Variants in DNAH12 observed in about 807,000 individuals in gnomAD.
The protein encoded by DNAH12 is dynein axonemal heavy chain 12, also known as axonemal beta dynein heavy chain 12.
DNAH12 carries 285 observed loss-of-function variants against 371.5 expected under a neutral mutation model. The observed-to-expected ratio is 0.77, with a 90% CI of 0.70 to 0.85. The LOEUF (loss-of-function observed/expected upper bound fraction) is 0.85. DNAH12 is among the 40% of genes least tolerant of loss of function. DNAH12 has a pLI of 0.00. For missense variants in DNAH12, 3,611 were observed against 3,689.4 expected, an observed-to-expected ratio of 0.98 and a Z score of 0.55; for synonymous variants, 1,200 against 1,213.0, an observed-to-expected ratio of 0.99 and a Z score of 0.22.
chr3:57,488,274 C>A (rs937835775), intron 12 of DNAH12, among the ~76,000 whole-genome samples: 1 of 152,086 alleles, frequency 6.6e-6, no homozygotes, highest in African/African-American at 2.4e-5. Flanking sequence ...CTCACTGCAA[C>A]CTCCACTTCC....
chr3:57,482,525 G>T (rs1323728713), intron 13 of DNAH12, among the ~76,000 whole-genome samples: 1 of 151,996 alleles, frequency 6.6e-6, no homozygotes, highest in Non-Finnish European at 1.5e-5. Flanking sequence ...GATTCCTCAG[G>T]GATCTAGAAC....
At chr3:57,325,817 T>G (rs1159286018) in intron 62 of DNAH12, among the ~76,000 whole-genome samples, 1 of 152,068 alleles carries the variant, frequency 6.6e-6, no homozygotes, top group Non-Finnish European at 1.5e-5. Context: ...TTAAAAACTT[T>G]GAAAAAAATT....
intron 8 of DNAH12, 151 bp from the exon 9 acceptor site, chr3:57,504,355 A>C (rs555018511): frequency 1.5e-6 from 1 of 647,682 alleles, no homozygotes; most frequent in South Asian, 2.2e-5. Flanking sequence ...ATCTTCATTC[A>C]GCATACTATA....
chr3:57,504,855 C>A (rs1353334538), intron 8 of DNAH12, among the ~76,000 whole-genome samples: 4 of 151,772 alleles, frequency 2.6e-5, no homozygotes, highest in Non-Finnish European at 5.9e-5. Flanking sequence ...TTTTTCTTTT[C>A]TTTTTTTCTC....
intron 30 of DNAH12, among the ~76,000 whole-genome samples, chr3:57,436,297 T>C (rs1257813504): frequency 2.6e-5 from 4 of 152,248 alleles, no homozygotes; most frequent in South Asian, 2.1e-4. Flanking sequence ...ATAAATCACA[T>C]ATACAAAATG....
At chr3:57,518,320 T>G (rs1027799544) in intron 4 of DNAH12, among the ~76,000 whole-genome samples, 1 of 151,734 alleles carries the variant, frequency 6.6e-6, no homozygotes. Context: ...AGGTCAGGAG[T>G]TTGAGACCAG....
intron 22 of DNAH12, among the ~76,000 whole-genome samples, chr3:57,457,249 C>A (rs1025390825): frequency 6.6e-6 from 1 of 152,120 alleles, no homozygotes; most frequent in Non-Finnish European, 1.5e-5. Context: ...TCCTAACTGC[C>A]TTCCTTTCCA....
rs1382889509 is a variant in DNAH12, at chr3:57,421,573, C to T, written c.5507G>A (p.Gly1836Asp). 3.9e-6 allele frequency: 6 copies of T among 1,551,456 alleles called. No homozygotes were observed. The highest frequency in any genetic ancestry group is 5.2e-6 in the Non-Finnish European group (6 of 1,146,982). ...DDENPVPDSV[G>D]KWECPFDEKG... ...TTCATCAAATGGGCATTCCCATTTA[C>T]CCACAGAATCTGGCACTGGGTTTTC... Residue 1836 changes from glycine to aspartate, a missense_variant, in exon 36 of 74, where the codon GGT (glycine) becomes GAT (aspartate). By Grantham distance (94) the Gly-to-Asp change is moderately conservative (BLOSUM62 -1). Coordinates refer to ENST00000495027, the MANE Select transcript of DNAH12 (RefSeq NM_001366028.2).
In DNAH12 at chr3:57,486,463, A is replaced by G. The variant is rs527692676; in HGVS notation, c.1515-2952T>C. On this transcript the variant is annotated intron_variant, in intron 12 of 73. Transcript: ENST00000495027. ...AAATCGGTATTGTCATTCTATTACT[A>G]GAAATATCAGGAAAAAACCATGTAA... Among the ~76,000 whole-genome samples, 13 of 152,204 alleles carry G rather than the reference A, an allele frequency of 8.5e-5. No individual in the cohort carries two copies. In the East Asian group the frequency reaches 2.3e-3, roughly 27 times the overall value.
chr3:57,498,766 G>A (rs997350136), intron 11 of DNAH12, among the ~76,000 whole-genome samples: 1 of 152,132 alleles, frequency 6.6e-6, no homozygotes, highest in African/African-American at 2.4e-5. Context: ...TTGGGAGGCC[G>A]AGGTGGGCGG....
chr3:57,509,999 G>A lies in DNAH12; in HGVS notation c.470-787C>T, dbSNP rs2067927692. Among the ~76,000 whole-genome samples, 4 of 148,410 alleles carry A rather than the reference G, an allele frequency of 2.7e-5. No individual in the cohort carries two copies. In the Admixed American group the frequency reaches 2.7e-4, roughly 10 times the overall value. On this transcript the variant is annotated intron_variant, in intron 5 of 73. Coordinates refer to ENST00000495027, the MANE Select transcript of DNAH12 (RefSeq NM_001366028.2). ...ACCACACACAAAAAATGATAAATATGTGAAAAAAATGCATCAGTTAATTAG... is the reference window on the plus strand; with the variant it reads ...ACCACACACAAAAAATGATAAATATATGAAAAAAATGCATCAGTTAATTAG...
At chr3:57,340,915 T>C (rs1553655860) in intron 60 of DNAH12, among the ~76,000 whole-genome samples, 1 of 152,086 alleles carries the variant, frequency 6.6e-6, no homozygotes, top group Non-Finnish European at 1.5e-5. Context: ...AAATCTGAAT[T>C]CAACAGCACA....
intron 55 of DNAH12, among the ~76,000 whole-genome samples, chr3:57,368,620 T>G (rs1287938682): frequency 6.6e-6 from 1 of 152,096 alleles, no homozygotes; most frequent in Non-Finnish European, 1.5e-5. Flanking sequence ...TAACATAATA[T>G]GAAAATAATA....
intron 26 of DNAH12, 130 bp from the exon 27 acceptor site, chr3:57,446,400 T>C (rs1306100187): frequency 7.1e-7 from 1 of 1,417,498 alleles, no homozygotes; most frequent in Non-Finnish European, 9.4e-7. Context: ...AAAAACAATG[T>C]CTTTACTCCT....
intron 4 of DNAH12, among the ~76,000 whole-genome samples, chr3:57,514,445 T>C (rs2068113378): frequency 6.7e-6 from 1 of 148,376 alleles, no homozygotes. Flanking sequence ...AATGCAAGAG[T>C]ATCTACAGTA....
intron 34 of DNAH12, among the ~76,000 whole-genome samples, chr3:57,426,666 C>CA (rs572458882): frequency 2.8e-3 from 391 of 142,096 alleles, no homozygotes; most frequent in Non-Finnish European, 2.9e-3. Context: ...CTCATCTCTA[C>CA]AAAAAAAAAA....
chr3:57,453,080 T>C (rs888773537), intron 24 of DNAH12, 65 bp from the exon 25 acceptor site: 7 of 1,481,968 alleles, frequency 4.7e-6, no homozygotes, highest in Admixed American at 2.8e-5. Context: ...AAAAGAAGTA[T>C]TTTATCTTTT....
At chr3:57,374,006 G>A (rs2063231154) in intron 55 of DNAH12, among the ~76,000 whole-genome samples, 1 of 152,132 alleles carries the variant, frequency 6.6e-6, no homozygotes, top group Non-Finnish European at 1.5e-5. Context: ...CAGGATGTTA[G>A]ATTTCCTTAT....
intron 43 of DNAH12, 144 bp downstream of exon 43, chr3:57,403,165 A>T: frequency 1.2e-6 from 1 of 816,578 alleles, no homozygotes; most frequent in South Asian, 3.0e-5. Flanking sequence ...AGAACTCAAC[A>T]CACACAGTAG....
Sources: allele counts gnomAD v4.1 joint callset (sites outside exome capture counted in the v4.1 genomes callset), GRCh38; gene constraint gnomAD v4.1.1; transcripts MANE v1.5; gene names NCBI Gene and HGNC (gene_info 2026-07-23, HGNC 2026-07-21).